Variants in RIOK3 observed in about 807,000 individuals in gnomAD.
The protein encoded by RIOK3 is serine/threonine-protein kinase RIO3.
A neutral mutation model predicts 63.5 loss-of-function variants in RIOK3; 40 were observed. The ratio of observed to expected loss-of-function variants is 0.63; its 90% CI spans 0.49 to 0.82. The LOEUF (loss-of-function observed/expected upper bound fraction) is 0.82. RIOK3 is among the 40% of genes least tolerant of loss of function. The pLI is 0.00. For missense variants in RIOK3, 557 were observed against 637.0 expected (o/e 0.87, Z 1.35); for synonymous variants, 193 against 205.0 (o/e 0.94, Z 0.50).
intron 1 of RIOK3, among the ~76,000 whole-genome samples, chr18:23,458,184 C>T (rs1029367118): frequency 3.3e-5 from 5 of 151,468 alleles, no homozygotes; most frequent in African/African-American, 9.7e-5. Context: ...GTATTACAGG[C>T]GAGAGCCACT....
In RIOK3 at chr18:23,481,410, G is replaced by A. The variant is rs1567902365; in HGVS notation, c.*131G>A. 1.7e-6 allele frequency: 1 copy of A among 580,698 alleles called. No homozygotes were observed. Among genetic ancestry groups the A allele is most frequent in the East Asian group, 3.0e-5 (1 of 32,848 alleles). 36.0% of individuals were successfully genotyped at this position (580,698 alleles called of 1,614,324 possible). ...TGGTGCTTCTGTGCTTTTCCCCCTT[G>A]TAACCCATGTGCCAGATGTGTGGAA... On this transcript the variant is annotated 3_prime_UTR_variant, in exon 13 of 13. Coordinates refer to ENST00000339486, the MANE Select transcript of RIOK3 (RefSeq NM_003831.5).
Position 23,481,421 on chromosome 18 carries a change from G to A in RIOK3, c.*142G>A. On this transcript the variant is annotated 3_prime_UTR_variant, in exon 13 of 13. Coordinates refer to ENST00000339486, the MANE Select transcript of RIOK3 (RefSeq NM_003831.5). ...TGCTTTTCCCCCTTGTAACCCATGTGCCAGATGTGTGGAATTTTTAGCTCA... is the reference window on the plus strand; with the variant it reads ...TGCTTTTCCCCCTTGTAACCCATGTACCAGATGTGTGGAATTTTTAGCTCA... 1 of 548,626 alleles carries A rather than the reference G, an allele frequency of 1.8e-6. No individual in the cohort carries two copies. Among genetic ancestry groups the A allele is most frequent in the Admixed American group, 3.6e-5 (1 of 27,910 alleles). 34.0% of individuals were successfully genotyped at this position (548,626 alleles called of 1,614,324 possible).
chr18:23,471,493 G>T (rs1455718072), intron 7 of RIOK3, among the ~76,000 whole-genome samples: 3 of 152,168 alleles, frequency 2.0e-5, no homozygotes, highest in Admixed American at 1.3e-4. Context: ...CTCTTTGACT[G>T]CCCTGGAACC....
intron 5 of RIOK3, among the ~76,000 whole-genome samples, 187 bp downstream of exon 5, chr18:23,464,815 A>T (rs2145679413): frequency 6.6e-6 from 1 of 152,340 alleles, no homozygotes; most frequent in Middle Eastern, 3.4e-3. Flanking sequence ...CCTCAGAATA[A>T]AATTCCATAA....
chr18:23,470,022 G>T (rs561092368), intron 7 of RIOK3, among the ~76,000 whole-genome samples: 1 of 152,062 alleles, frequency 6.6e-6, no homozygotes, highest in African/African-American at 2.4e-5. Context: ...TAGGAATAGC[G>T]AATAGAACAA....
intron 11 of RIOK3, among the ~76,000 whole-genome samples, chr18:23,477,693 GCA>G (rs1388768732): frequency 6.7e-6 from 1 of 149,788 alleles, no homozygotes; most frequent in Non-Finnish European, 1.5e-5. Context: ...AACCTGGGAG[GCA>G]GAGGCTGCAG....
rs886622495 is a variant in RIOK3 at position 23,479,263 on chromosome 18, T to A, written c.1345-54T>A. On this transcript the variant is annotated intron_variant, in intron 11 of 12. Coordinates refer to ENST00000339486, the MANE Select transcript of RIOK3 (RefSeq NM_003831.5). ...AATGTGCTGCTCCCTGTTTTTAGTT[T>A]ATAAGAGAACATTGCTAATACTTCT... is the stretch of plus-strand genomic sequence containing the variant. 70 of 1,165,352 alleles carry A rather than the reference T, an allele frequency of 6.0e-5. 1 individual carries two copies. The Middle Eastern group carries it at 1.5e-3, about 26-fold the overall frequency. 72.2% of individuals were successfully genotyped at this position (1,165,352 alleles called of 1,614,324 possible).
chr18:23,455,989 G>C (rs955244472), intron 1 of RIOK3, among the ~76,000 whole-genome samples: 2 of 152,064 alleles, frequency 1.3e-5, no homozygotes, highest in African/African-American at 4.8e-5. Flanking sequence ...GTAGAGATGG[G>C]GTTTCACCAT....
In RIOK3 at chr18:23,474,739, G is replaced by A. The variant is rs1308695288; in HGVS notation, c.1014-209G>A. On this transcript the variant is annotated intron_variant, in intron 8 of 12. Transcript: ENST00000339486. The stretch of plus-strand genomic sequence containing the variant: ...CTCCTACCCATACCTCTGCCAGTGC[G>A]TAATTGTAATTGTCTCTTGTCTGTC... Among the ~76,000 whole-genome samples the A allele has an allele frequency of 2.0e-5, 3 of 152,146 alleles. No homozygotes were observed. In the East Asian group the frequency reaches 5.8e-4, roughly 29 times the overall value.
intron 1 of RIOK3, among the ~76,000 whole-genome samples, chr18:23,462,666 A>G (rs2145675483): frequency 6.6e-6 from 1 of 152,394 alleles, no homozygotes; most frequent in South Asian, 2.1e-4. Flanking sequence ...GAGGAATTAC[A>G]TGAACTCATT....
intron 1 of RIOK3, among the ~76,000 whole-genome samples, chr18:23,459,383 T>G (rs1051404984): frequency 2.0e-5 from 3 of 152,194 alleles, no homozygotes; most frequent in African/African-American, 7.2e-5. Flanking sequence ...CTGGAATGCC[T>G]CTTTATATCC....
chr18:23,473,624 A>G lies in RIOK3; in HGVS notation c.1011A>G (p.Ala337=), dbSNP rs755142735. The G allele has an allele frequency of 1.2e-6, 2 of 1,609,542 alleles. No individual in the cohort carries two copies. Among genetic ancestry groups the G allele is most frequent in the South Asian group, 1.1e-5 (1 of 90,604 alleles). Residue 337 remains alanine (A), a splice_region_variant and synonymous_variant, in exon 8 of 13, where the codon GCA becomes GCG. Transcript: ENST00000339486. Reference sequence around the variant, plus strand: ...CAGAAAAAGAAATGCACAATCTCGCAAGGTAAAGAAAATATTGTGCTAGAC... The same window carrying G: ...CAGAAAAAGAAATGCACAATCTCGCGAGGTAAAGAAAATATTGTGCTAGAC... ...MWAEKEMHNL[A]RMQRAGIPCP...
intron 1 of RIOK3, among the ~76,000 whole-genome samples, chr18:23,456,150 T>C (rs1247148004): frequency 6.6e-6 from 1 of 151,950 alleles, no homozygotes; most frequent in Non-Finnish European, 1.5e-5. Flanking sequence ...TAGGCTGGTC[T>C]TGAACTCCTG....
At chr18:23,467,581 G>C in intron 7 of RIOK3, 55 bp downstream of exon 7, 1 of 1,527,872 alleles carries the variant, frequency 6.5e-7, no homozygotes, top group Non-Finnish European at 9.0e-7. Context: ...TTCTCCCCAA[G>C]ATTAATGAAT....
chr18:23,462,906 T>G, intron 1 of RIOK3, 58 bp from the exon 2 acceptor site: 1 of 734,322 alleles, frequency 1.4e-6, no homozygotes, highest in Non-Finnish European at 2.1e-6. Context: ...ATTTGTAAAA[T>G]GAGAGGTACT....
intron 12 of RIOK3, 48 bp downstream of exon 12, chr18:23,479,472 C>A: frequency 1.8e-6 from 2 of 1,099,346 alleles, no homozygotes; most frequent in Non-Finnish European, 2.8e-6. Context: ...TGCAGAACTG[C>A]ATAGAGGAGA....
chr18:23,474,695 G>C (rs1598814128), intron 8 of RIOK3, among the ~76,000 whole-genome samples: 1 of 152,056 alleles, frequency 6.6e-6, no homozygotes, highest in East Asian at 1.9e-4. Flanking sequence ...GCCATCCTTG[G>C]TGCTGTGTGC....
rs897281125 is a variant in RIOK3 at position 23,482,821 on chromosome 18, T to C, written c.*1542T>C. ...TAACATTATTTTAAAATGCCAAATA[T>C]GTTCTTTCTAGAAAAATATTTATTT... On this transcript the variant is annotated 3_prime_UTR_variant, in exon 13 of 13. Transcript: ENST00000339486. 3 of 152,216 alleles carry C rather than the reference T, an allele frequency of 2.0e-5. No homozygotes were observed. The highest frequency in any genetic ancestry group is 4.4e-5 in the Non-Finnish European group (3 of 68,030). 9.4% of individuals were successfully genotyped at this position (152,216 alleles called of 1,614,324 possible). A position where few individuals can be genotyped will look rare whatever the true frequency, so the allele number is the denominator to read the frequency against.
intron 7 of RIOK3, among the ~76,000 whole-genome samples, chr18:23,470,235 G>A (rs529715418): frequency 2.0e-5 from 3 of 152,106 alleles, no homozygotes; most frequent in East Asian, 1.9e-4. Context: ...GCATGGTGGC[G>A]GGCATCTGTA....
Sources: gnomAD v4.1 joint callset for allele counts (sites outside exome capture counted in the v4.1 genomes callset) on GRCh38, gnomAD v4.1.1 for gene constraint, MANE v1.5 for transcripts, NCBI Gene and HGNC (gene_info 2026-07-23, HGNC 2026-07-21) for gene names.